Variants in SPSB1 observed in about 807,000 individuals in gnomAD.
The protein encoded by SPSB1 is splA/ryanodine receptor domain and SOCS box containing 1.
SPSB1 carries 8 observed loss-of-function variants against 21.2 expected under a neutral mutation model. The observed-to-expected ratio is 0.38, with a 90% CI of 0.22 to 0.68. The LOEUF is 0.68. SPSB1 is among the 30% of genes least tolerant of loss of function. The pLI is 0.53. For missense variants in SPSB1, 242 were observed against 377.8 expected, an observed-to-expected ratio of 0.64 and a Z score of 2.98; for synonymous variants, 169 against 161.7, an observed-to-expected ratio of 1.05 and a Z score of -0.34.
chr1:9,310,622 G>A (rs1410343077), intron 1 of SPSB1, among the ~76,000 whole-genome samples: 1 of 152,132 alleles, frequency 6.6e-6, no homozygotes, highest in Non-Finnish European at 1.5e-5. Context: ...TTGAGTTTGG[G>A]AGGTCGAGGC....
intron 1 of SPSB1, among the ~76,000 whole-genome samples, chr1:9,297,463 C>T (rs1639244598): frequency 6.6e-6 from 1 of 152,066 alleles, no homozygotes; most frequent in African/African-American, 2.4e-5. Context: ...TTTCCAAGGT[C>T]AGAGTGAGGA....
chr1:9,355,091 A>G (rs1640340747), intron 1 of SPSB1, among the ~76,000 whole-genome samples: 1 of 152,182 alleles, frequency 6.6e-6, no homozygotes, highest in Non-Finnish European at 1.5e-5. Context: ...TTGCTGTCTG[A>G]ATCGAGGCCT....
chr1:9,342,158 G>C (rs886116884), intron 1 of SPSB1, among the ~76,000 whole-genome samples: 2 of 152,230 alleles, frequency 1.3e-5, no homozygotes, highest in Non-Finnish European at 2.9e-5. Context: ...GCCTCAGATG[G>C]TGGAGTTCTC....
intron 1 of SPSB1, among the ~76,000 whole-genome samples, chr1:9,351,934 C>T (rs926352710): frequency 2.0e-4 from 31 of 152,190 alleles, no homozygotes; most frequent in African/African-American, 7.2e-4. Flanking sequence ...AGGAATCACC[C>T]CACAGTGCTG....
In SPSB1 at chr1:9,345,412, G is replaced by T. The variant is rs796675281; in HGVS notation, c.-149-10331G>T. ...TGGGCCCAGTGTGTTACCCGCCGAG[G>T]CTAGGCAGTGTCGGTGGTCCATAGT... On this transcript the variant is annotated intron_variant, in intron 1 of 2. Transcript: ENST00000328089. The surrounding 1 kb of genome is among the most constrained non-coding windows in gnomAD (Gnocchi z 4.8). 1.4e-4 allele frequency among the ~76,000 whole-genome samples: 22 copies of T among 152,306 alleles called. No homozygotes were observed. Among genetic ancestry groups the T allele is most frequent in the African/African-American group, 4.1e-4 (17 of 41,548 alleles).
intron 1 of SPSB1, among the ~76,000 whole-genome samples, chr1:9,294,986 C>T (rs61783472): frequency 0.18 from 26,953 of 152,166 alleles, 2,684 homozygotes; most frequent in Middle Eastern, 0.26. Context: ...TTCACTTACC[C>T]AGACTGCACA....
chr1:9,346,191 C>T lies in SPSB1; in HGVS notation c.-149-9552C>T, dbSNP rs965981800. On this transcript the variant is annotated intron_variant, in intron 1 of 2. Transcript: ENST00000328089. This position sits in a 1 kb window ranked among gnomAD's most constrained non-coding sequence, Gnocchi z 4.4. ...GGGCTGCCACCACTGATGTGTGAGA[C>T]GGGGCGGCAGAGGGAGGGAACTTAC... is the stretch of plus-strand genomic sequence containing the variant. Among the ~76,000 whole-genome samples, 6 of 152,238 alleles carry T rather than the reference C, an allele frequency of 3.9e-5. No homozygotes were observed. Among genetic ancestry groups the T allele is most frequent in the East Asian group, 3.8e-4 (2 of 5,202 alleles).
chr1:9,298,564 C>T (rs777590297), intron 1 of SPSB1, among the ~76,000 whole-genome samples: 1 of 152,198 alleles, frequency 6.6e-6, no homozygotes, highest in Non-Finnish European at 1.5e-5. Context: ...CCAAAGGGAC[C>T]TGTGACCTTT....
At chr1:9,365,518 A>G (rs1210461569) in intron 2 of SPSB1, among the ~76,000 whole-genome samples, 2 of 152,092 alleles carry the variant, frequency 1.3e-5, no homozygotes, top group Non-Finnish European at 2.9e-5. Flanking sequence ...TAATTCACAT[A>G]CCTTACAATT....
At chr1:9,347,191 A>G (rs1343776325) in intron 1 of SPSB1, among the ~76,000 whole-genome samples, 1 of 152,204 alleles carries the variant, frequency 6.6e-6, no homozygotes, top group Non-Finnish European at 1.5e-5. Context: ...CCCTTCTACC[A>G]GTTATGGATC....
intron 1 of SPSB1, among the ~76,000 whole-genome samples, chr1:9,296,466 C>A (rs1018746477): frequency 6.6e-6 from 1 of 152,154 alleles, no homozygotes; most frequent in African/African-American, 2.4e-5. Context: ...TGGAAAATGT[C>A]AAACACACCA....
At chr1:9,349,025 A>G (rs9308446) in intron 1 of SPSB1, among the ~76,000 whole-genome samples, 125,549 of 152,102 alleles carry the variant, frequency 0.83, 52,310 homozygotes, top group African/African-American at 0.93. Flanking sequence ...TCCCACTGGG[A>G]GAAGAAGTTC....
At chr1:9,295,552 C>T (rs1424466048) in intron 1 of SPSB1, among the ~76,000 whole-genome samples, 1 of 152,158 alleles carries the variant, frequency 6.6e-6, no homozygotes, top group Non-Finnish European at 1.5e-5. Flanking sequence ...TGGATCCACC[C>T]TTCAGTGGGT....
chr1:9,352,501 TGCGACAACA>T (rs1443369985), intron 1 of SPSB1, among the ~76,000 whole-genome samples: 3 of 152,214 alleles, frequency 2.0e-5, no homozygotes, highest in Admixed American at 2.0e-4. Flanking sequence ...GCTGCTTTTG[TGCGACAACA>T]GCAGAGACTG....
chr1:9,329,801 C>T (rs922805597), intron 1 of SPSB1, among the ~76,000 whole-genome samples: 12 of 151,232 alleles, frequency 7.9e-5, no homozygotes, highest in Admixed American at 2.0e-4. Flanking sequence ...GCGGTGGGGC[C>T]GTGGGGATGG....
At chr1:9,306,027 G>T (rs935558440) in intron 1 of SPSB1, among the ~76,000 whole-genome samples, 1 of 152,146 alleles carries the variant, frequency 6.6e-6, no homozygotes, top group African/African-American at 2.4e-5. Context: ...TTTAGGGAAC[G>T]AAGGCGTGTT....
intron 1 of SPSB1, among the ~76,000 whole-genome samples, chr1:9,322,745 G>A (rs9660182): frequency 0.15 from 22,102 of 152,122 alleles, 2,052 homozygotes; most frequent in Middle Eastern, 0.21. Flanking sequence ...GGCAGGTGTC[G>A]GAGAGGGATG....
At chr1:9,307,208 A>C (rs560174661) in intron 1 of SPSB1, among the ~76,000 whole-genome samples, 1 of 152,156 alleles carries the variant, frequency 6.6e-6, no homozygotes. Context: ...GATTACAGGC[A>C]TGAGCCACTG....
intron 1 of SPSB1, among the ~76,000 whole-genome samples, chr1:9,302,005 C>T (rs562753715): frequency 5.9e-5 from 9 of 152,344 alleles, no homozygotes; most frequent in Admixed American, 5.2e-4. Flanking sequence ...CCCACTGTCA[C>T]GCTGTCCGTG....
Sources: gnomAD v4.1 joint callset for allele counts (sites outside exome capture counted in the v4.1 genomes callset) on GRCh38, gnomAD v4.1.1 for gene constraint, Gnocchi (gnomAD v3.1) non-coding constraint, MANE v1.5 for transcripts, NCBI Gene and HGNC (gene_info 2026-07-23, HGNC 2026-07-21) for gene names.